GRID2: variants seen among roughly 807,000 people sequenced by gnomAD.
The protein encoded by GRID2 is glutamate receptor ionotropic, delta-2.
GRID2 carries 33 observed loss-of-function variants against 114.8 expected under a neutral mutation model. That is an observed-to-expected ratio of 0.29 (90% CI 0.22 to 0.38). GRID2 has a LOEUF of 0.38. GRID2 is among the 10% of genes least tolerant of loss of function. The probability of loss-of-function intolerance (pLI) is 1.00; values close to 1 mark genes in which losing one functional copy is unlikely to be tolerated. For synonymous variants in GRID2, 505 were observed against 449.9 expected, an observed-to-expected ratio of 1.12 and a Z score of -1.55; for missense variants, 1,184 against 1,257.7, an observed-to-expected ratio of 0.94 and a Z score of 0.89.
chr4:92,909,581 T>G (rs1415669613), intron 2 of GRID2, among the ~76,000 whole-genome samples: 1 of 152,136 alleles, frequency 6.6e-6, no homozygotes, highest in Non-Finnish European at 1.5e-5. Flanking sequence ...ACTCCTCAGT[T>G]GCAGGGATAC....
chr4:93,669,567 A>G (rs997315669), intron 14 of GRID2, among the ~76,000 whole-genome samples: 21 of 152,296 alleles, frequency 1.4e-4, no homozygotes, highest in African/African-American at 5.1e-4. Flanking sequence ...TCACTGTAAT[A>G]TATTCAGTCT....
chr4:92,809,323 G>A (rs1740558259), intron 2 of GRID2, among the ~76,000 whole-genome samples: 1 of 151,874 alleles, frequency 6.6e-6, no homozygotes, highest in Non-Finnish European at 1.5e-5. Flanking sequence ...AAAAAATTCT[G>A]AGGGAACTAT....
intron 13 of GRID2, among the ~76,000 whole-genome samples, chr4:93,600,064 C>T (rs1445525255): frequency 1.3e-5 from 2 of 152,148 alleles, no homozygotes; most frequent in African/African-American, 4.8e-5. Flanking sequence ...TATACCACAG[C>T]GTAGACAAAG....
intron 14 of GRID2, among the ~76,000 whole-genome samples, chr4:93,745,224 G>A (rs930913929): frequency 3.3e-5 from 5 of 151,808 alleles, no homozygotes; most frequent in Admixed American, 2.6e-4. Flanking sequence ...TAGGTTTTCT[G>A]GGGAAAAAAT....
At chr4:92,313,358 A>G (rs1007349237) in intron 1 of GRID2, among the ~76,000 whole-genome samples, 1 of 152,038 alleles carries the variant, frequency 6.6e-6, no homozygotes, top group African/African-American at 2.4e-5. Flanking sequence ...AAGACAACAA[A>G]TATGGTGCAG....
intron 2 of GRID2, among the ~76,000 whole-genome samples, chr4:93,004,114 C>T (rs1721271581): frequency 6.6e-6 from 1 of 151,668 alleles, no homozygotes. Flanking sequence ...AAAATATTGC[C>T]AGGATTTCAA....
chr4:93,545,727 A>C (rs1578230071), intron 13 of GRID2, among the ~76,000 whole-genome samples: 1 of 152,310 alleles, frequency 6.6e-6, no homozygotes, highest in East Asian at 1.9e-4. Flanking sequence ...CTGTATGCAT[A>C]TGTAAAAATT....
At chr4:93,463,943 T>G (rs957859170) in intron 11 of GRID2, among the ~76,000 whole-genome samples, 2 of 151,972 alleles carry the variant, frequency 1.3e-5, no homozygotes, top group Non-Finnish European at 2.9e-5. Flanking sequence ...GAGCCGAGAT[T>G]GTGCCACTGC....
At chr4:93,615,960 A>G (rs1288867585) in intron 13 of GRID2, among the ~76,000 whole-genome samples, 2 of 152,176 alleles carry the variant, frequency 1.3e-5, no homozygotes, top group Non-Finnish European at 2.9e-5. Flanking sequence ...TGTATTTCCA[A>G]ATTAGAGAAG....
At chr4:92,349,573 GA>G (rs1373320133) in intron 1 of GRID2, among the ~76,000 whole-genome samples, 4 of 151,222 alleles carry the variant, frequency 2.6e-5, no homozygotes, top group Non-Finnish European at 4.4e-5. Context: ...AAAATAAAAT[GA>G]AATTTAAAAT....
intron 13 of GRID2, among the ~76,000 whole-genome samples, chr4:93,590,482 G>C (rs1029331303): frequency 1.3e-5 from 2 of 150,456 alleles, no homozygotes; most frequent in African/African-American, 4.9e-5. Flanking sequence ...TTGAAGTCAG[G>C]TAGTGTGATG....
chr4:93,349,280 A>G (rs1230270579), intron 8 of GRID2, among the ~76,000 whole-genome samples: 2 of 152,112 alleles, frequency 1.3e-5, no homozygotes, highest in Non-Finnish European at 2.9e-5. Flanking sequence ...CATCTACTCC[A>G]TTACTTGGGG....
chr4:92,662,006 A>C (rs1342440072), intron 2 of GRID2, among the ~76,000 whole-genome samples: 3 of 151,080 alleles, frequency 2.0e-5, no homozygotes, highest in South Asian at 2.1e-4. Flanking sequence ...AGGTTACTTT[A>C]AGCTGAGGAT....
chr4:92,640,067 CAT>C (rs907674117), intron 2 of GRID2, among the ~76,000 whole-genome samples: 1 of 151,674 alleles, frequency 6.6e-6, no homozygotes, highest in Admixed American at 6.6e-5. Flanking sequence ...ATATAAAACA[CAT>C]ATATTTAGTG....
At position 93,482,217 on chromosome 4, in the gene GRID2, T is replaced by G. The variant is rs557663361; in HGVS notation, c.1859-8422T>G. The stretch of plus-strand genomic sequence containing the variant: ...ATACCCAAAGGATTATAAATCATTT[T>G]ACTATAAAGACACATACACATATGG... On this transcript the variant is annotated intron_variant, in intron 11 of 15. Transcript: ENST00000282020. Among the ~76,000 whole-genome samples the G allele has an allele frequency of 1.7e-4, 26 of 152,186 alleles. No homozygotes were observed. The South Asian group carries it at 5.4e-3, about 32-fold the overall frequency.
At position 92,928,753 on chromosome 4, in the gene GRID2, A is replaced by G. The variant is rs575528412; in HGVS notation, c.245-156242A>G. On this transcript the variant is annotated intron_variant, in intron 2 of 15. Transcript: ENST00000282020. ...CATTAAAGTGCAAACACTGAACAAA[A>G]CATAGGTAAGAGATGTTTCCCATTT... Among the ~76,000 whole-genome samples, 37 of 151,756 alleles carry G rather than the reference A, an allele frequency of 2.4e-4. 1 individual carries two copies. In the South Asian group the frequency reaches 7.5e-3, roughly 31 times the overall value.
rs559693018 is a variant in GRID2, at chr4:92,740,093, T to G, written c.244+149807T>G. Among the ~76,000 whole-genome samples, 11 of 152,310 alleles carry G rather than the reference T, an allele frequency of 7.2e-5. No homozygotes were observed. The East Asian group carries it at 2.1e-3, about 29-fold the overall frequency. Reference sequence around the variant, plus strand: ...CAATAGCATTTTCCTAAAAGGCCTTTTCTTCCTTTGAGATTTTCTTTTCTC... The same window carrying G: ...CAATAGCATTTTCCTAAAAGGCCTTGTCTTCCTTTGAGATTTTCTTTTCTC... On this transcript the variant is annotated intron_variant, in intron 2 of 15. Coordinates refer to ENST00000282020, the MANE Select transcript of GRID2 (RefSeq NM_001510.4).
intron 2 of GRID2, among the ~76,000 whole-genome samples, chr4:92,796,098 G>T (rs1009604743): frequency 6.6e-6 from 1 of 151,862 alleles, no homozygotes; most frequent in East Asian, 2.0e-4. Flanking sequence ...AATCATTCCC[G>T]ACTTCCATGA....
chr4:93,660,558 G>A (rs988996714), intron 14 of GRID2, among the ~76,000 whole-genome samples: 2 of 151,800 alleles, frequency 1.3e-5, no homozygotes, highest in Non-Finnish European at 2.9e-5. Context: ...AGCAGTAGTC[G>A]CGTATCTGCC....
Sources: gnomAD v4.1 joint callset for allele counts (sites outside exome capture counted in the v4.1 genomes callset) on GRCh38, gnomAD v4.1.1 for gene constraint, MANE v1.5 for transcripts, NCBI Gene and HGNC (gene_info 2026-07-23, HGNC 2026-07-21) for gene names.